The following GRM7 variants were observed in gnomAD, a reference collection of about 807,000 sequenced individuals.
GRM7 encodes the protein metabotropic glutamate receptor 7.
A neutral mutation model predicts 84.5 loss-of-function variants in GRM7; 35 were observed. The ratio of observed to expected loss-of-function variants is 0.41; its 90% confidence interval spans 0.32 to 0.55. GRM7 has a LOEUF of 0.55. GRM7 is among the 20% of genes least tolerant of loss of function. GRM7 has a pLI of 0.19. For synonymous variants in GRM7, 487 were observed against 455.1 expected, an observed-to-expected ratio of 1.07 and a Z score of -0.89; for missense variants, 1,003 against 1,194.6, an observed-to-expected ratio of 0.84 and a Z score of 2.36.
chr3:7,326,387 A>AT (rs1361884066), intron 4 of GRM7, among the ~76,000 whole-genome samples: 52 of 152,266 alleles, frequency 3.4e-4, no homozygotes, highest in African/African-American at 1.2e-3. Context: ...GATGCATTAC[A>AT]TAGCAAGTGA....
At chr3:7,229,344 C>A (rs1470950604) in intron 2 of GRM7, among the ~76,000 whole-genome samples, 1 of 152,032 alleles carries the variant, frequency 6.6e-6, no homozygotes, top group Admixed American at 6.6e-5. Context: ...ATTTAATTCT[C>A]ATAATGACCC....
At chr3:7,032,285 C>T (rs1408329967) in intron 1 of GRM7, among the ~76,000 whole-genome samples, 1 of 152,158 alleles carries the variant, frequency 6.6e-6, no homozygotes, top group Non-Finnish European at 1.5e-5. Context: ...TGGCTTTCAG[C>T]CCAAACTGTT....
intron 1 of GRM7, among the ~76,000 whole-genome samples, chr3:7,014,129 T>C (rs962899327): frequency 2.0e-5 from 3 of 152,168 alleles, no homozygotes; most frequent in Admixed American, 2.0e-4. Context: ...TGTCTTAAAG[T>C]AATGCTACCT....
intron 2 of GRM7, among the ~76,000 whole-genome samples, chr3:7,154,529 T>C (rs1473521224): frequency 1.3e-5 from 2 of 152,150 alleles, no homozygotes; most frequent in Non-Finnish European, 2.9e-5. Flanking sequence ...GTGAACTCTT[T>C]CTTTACTTGC....
intron 2 of GRM7, among the ~76,000 whole-genome samples, chr3:7,264,832 G>A (rs1393435863): frequency 6.6e-6 from 1 of 150,658 alleles, no homozygotes; most frequent in African/African-American, 2.5e-5. Context: ...CTACACCAGA[G>A]TTACCTCGGG....
intron 3 of GRM7, among the ~76,000 whole-genome samples, chr3:7,299,718 C>T (rs1334562685): frequency 6.6e-6 from 1 of 150,426 alleles, no homozygotes; most frequent in African/African-American, 2.5e-5. Flanking sequence ...TCATGGAGAT[C>T]ACTGAATATT....
intron 1 of GRM7, among the ~76,000 whole-genome samples, chr3:6,870,986 C>T (rs569459327): frequency 1.4e-4 from 22 of 152,104 alleles, no homozygotes; most frequent in Middle Eastern, 3.4e-3. Flanking sequence ...AATAATTATC[C>T]GAAAGCGTTA....
rs368197528 is a variant in GRM7 at position 7,027,491 on chromosome 3, G to A, written c.520-118961G>A. Among the ~76,000 whole-genome samples the A allele has an allele frequency of 7.2e-5, 11 of 152,164 alleles. No individual in the cohort carries two copies. In the South Asian group the frequency reaches 1.2e-3, roughly 17 times the overall value. On this transcript the variant is annotated intron_variant, in intron 1 of 9. Coordinates refer to ENST00000357716, the MANE Select transcript of GRM7 (RefSeq NM_000844.4). ...ACATCCAACGAGCTTACTCATTTATGTCATTTCATTATTGTTTCTCTGGGG... is the reference window on the plus strand; with the variant it reads ...ACATCCAACGAGCTTACTCATTTATATCATTTCATTATTGTTTCTCTGGGG...
chr3:7,268,226 G>T (rs988585681), intron 2 of GRM7, among the ~76,000 whole-genome samples: 2 of 152,078 alleles, frequency 1.3e-5, no homozygotes, highest in Non-Finnish European at 2.9e-5. Flanking sequence ...ACACAGCTGG[G>T]TGAGGTGGCT....
At chr3:7,338,142 A>ACACC (rs749231377) in intron 4 of GRM7, among the ~76,000 whole-genome samples, 78 of 148,774 alleles carry the variant, frequency 5.2e-4, no homozygotes, top group African/African-American at 1.8e-3. Flanking sequence ...ACACACACAC[A>ACACC]CCCCATGGAA....
rs990588152 is a variant in GRM7 at position 7,486,308 on chromosome 3, G to A, written c.1515+24586G>A. 2.6e-5 allele frequency among the ~76,000 whole-genome samples: 4 copies of A among 152,034 alleles called. No individual in the cohort carries two copies. The highest frequency in any genetic ancestry group is 5.9e-5 in the Non-Finnish European group (4 of 67,994). ...GATAATGGCGATGATGGTGATAAAA[G>A]GTAGGAAGACTATTTTATTTGTTTC... On this transcript the variant is annotated intron_variant, in intron 7 of 9. Coordinates refer to ENST00000357716, the MANE Select transcript of GRM7 (RefSeq NM_000844.4). This position sits in a 1 kb window ranked among gnomAD's most constrained non-coding sequence, Gnocchi z 5.5.
At chr3:7,054,391 A>AT (rs1697137873) in intron 1 of GRM7, among the ~76,000 whole-genome samples, 1 of 150,382 alleles carries the variant, frequency 6.6e-6, no homozygotes, top group Non-Finnish European at 1.5e-5. Context: ...TATGATATAT[A>AT]TATCATAAAA....
At chr3:7,569,122 A>G (rs9815909) in intron 7 of GRM7, among the ~76,000 whole-genome samples, 118,818 of 152,124 alleles carry the variant, frequency 0.78, 46,635 homozygotes, top group African/African-American at 0.85. Flanking sequence ...TACACCTATC[A>G]GCACTCTGTA....
intron 2 of GRM7, among the ~76,000 whole-genome samples, chr3:7,294,027 C>T (rs989057505): frequency 6.6e-6 from 1 of 152,190 alleles, no homozygotes; most frequent in African/African-American, 2.4e-5. Flanking sequence ...ACAGGTTTAT[C>T]CCCATTACCA....
chr3:7,506,059 TAAA>T (rs1301426058), intron 7 of GRM7, among the ~76,000 whole-genome samples: 3 of 152,220 alleles, frequency 2.0e-5, no homozygotes, highest in African/African-American at 7.2e-5. Context: ...TGTAAGTGGT[TAAA>T]AATAGCCATT....
At chr3:7,643,488 A>G (rs1006745159) in intron 8 of GRM7, among the ~76,000 whole-genome samples, 1 of 152,232 alleles carries the variant, frequency 6.6e-6, no homozygotes, top group African/African-American at 2.4e-5. Context: ...AGAGTTTTAC[A>G]TAAAAAGTTG....
rs1694751668 is a variant in GRM7, at chr3:6,861,460, C to T, written c.72C>T (p.Leu24=). The T allele has an allele frequency of 6.3e-7, 1 of 1,594,830 alleles. No individual in the cohort carries two copies. Among genetic ancestry groups the T allele is most frequent in the Non-Finnish European group, 8.5e-7 (1 of 1,172,736 alleles). The part of the protein sequence containing the change: ...MKFPCCVLEV[L]LCALAAAARG... Reference sequence around the variant, plus strand: ...TCCCCTGCTGCGTGCTGGAGGTGCTCCTGTGCGCGCTGGCGGCGGCGGCGC... The same window carrying T: ...TCCCCTGCTGCGTGCTGGAGGTGCTTCTGTGCGCGCTGGCGGCGGCGGCGC... Residue 24 remains leucine (L), a synonymous_variant, in exon 1 of 10, where the codon CTC becomes CTT. Transcript: ENST00000357716. The surrounding 1 kb of genome is among the most constrained non-coding windows in gnomAD (Gnocchi z 6.4).
chr3:7,022,057 G>A (rs1695795912), intron 1 of GRM7, among the ~76,000 whole-genome samples: 1 of 152,156 alleles, frequency 6.6e-6, no homozygotes, highest in East Asian at 1.9e-4. Context: ...GCCGGGGACA[G>A]GGGTTCACAC....
intron 4 of GRM7, among the ~76,000 whole-genome samples, chr3:7,401,840 C>T (rs765673998): frequency 3.3e-5 from 5 of 152,080 alleles, no homozygotes; most frequent in Non-Finnish European, 5.9e-5. Context: ...CTTATCCCCA[C>T]GTCAATATTA....
Sources: gnomAD v4.1 joint callset for allele counts (sites outside exome capture counted in the v4.1 genomes callset) on GRCh38, gnomAD v4.1.1 for gene constraint, Gnocchi (gnomAD v3.1) non-coding constraint, MANE v1.5 for transcripts, NCBI Gene and HGNC (gene_info 2026-07-23, HGNC 2026-07-21) for gene names.